PALS2: variants seen among roughly 807,000 people sequenced by gnomAD.
PALS2 encodes protein associated with LIN7 2, MAGUK p55 family member, also known as protein PALS2.
In PALS2, 27 loss-of-function variants were observed where a neutral mutation model predicts 61.6. That is an observed-to-expected ratio of 0.44 (90% CI 0.32 to 0.60). PALS2 has a LOEUF of 0.60. PALS2 is among the 20% of genes least tolerant of loss of function. The probability of loss-of-function intolerance (pLI) is 0.05; values close to 1 mark genes in which losing one functional copy is unlikely to be tolerated. For missense variants in PALS2, 554 were observed against 639.4 expected (o/e 0.87, Z 1.44); for synonymous variants, 236 against 218.6 (o/e 1.08, Z -0.70).
At chr7:24,649,085 A>G (rs1786001952) in intron 3 of PALS2, among the ~76,000 whole-genome samples, 1 of 152,132 alleles carries the variant, frequency 6.6e-6, no homozygotes, top group African/African-American at 2.4e-5. Flanking sequence ...GTAATATAAA[A>G]TTTTTTGTCA....
chr7:24,623,480 C>T (rs1299165343), intron 1 of PALS2, among the ~76,000 whole-genome samples, 186 bp from the exon 2 acceptor site: 1 of 151,956 alleles, frequency 6.6e-6, no homozygotes, highest in Non-Finnish European at 1.5e-5. Context: ...GCTATTAATT[C>T]CTGGGAAGTC....
intron 1 of PALS2, among the ~76,000 whole-genome samples, chr7:24,620,484 C>A (rs1784453494): frequency 6.6e-6 from 1 of 151,890 alleles, no homozygotes; most frequent in South Asian, 2.1e-4. Context: ...GATTAAATTC[C>A]ATATGATTAA....
intron 3 of PALS2, among the ~76,000 whole-genome samples, chr7:24,643,976 T>C (rs1488612440): frequency 2.0e-5 from 3 of 152,178 alleles, no homozygotes; most frequent in African/African-American, 7.2e-5. Context: ...CTTTGATTAC[T>C]GGGAAGTAAT....
At chr7:24,624,362 T>C (rs1195687775) in intron 2 of PALS2, among the ~76,000 whole-genome samples, 1 of 152,164 alleles carries the variant, frequency 6.6e-6, no homozygotes, top group Non-Finnish European at 1.5e-5. Flanking sequence ...TGCTATACCA[T>C]TCTTTAGAGT....
chr7:24,595,452 AAT>A (rs931479372), intron 1 of PALS2, among the ~76,000 whole-genome samples: 35 of 137,732 alleles, frequency 2.5e-4, no homozygotes, highest in Non-Finnish European at 3.5e-4. Context: ...CATAATATAT[AAT>A]ATATATAAAT....
In PALS2 at chr7:24,688,756, AAT is replaced by A. The variant is rs1403715348; in HGVS notation, c.*1150_*1151del. The A allele has an allele frequency of 6.7e-6, 1 of 149,364 alleles. No homozygotes were observed. The highest frequency in any genetic ancestry group is 1.5e-5 in the Non-Finnish European group (1 of 67,474). 9.3% of individuals were successfully genotyped at this position (149,364 alleles called of 1,614,324 possible). A position where few individuals can be genotyped will look rare whatever the true frequency, so the allele number is the denominator to read the frequency against. The stretch of plus-strand genomic sequence containing the variant: ...ATAATATGTATATTATGTATTATAT[AAT>A]ATATATAAAATGTTTTGTATATTTT... On this transcript the variant is annotated 3_prime_UTR_variant, in exon 12 of 12. Coordinates refer to ENST00000222644, the MANE Select transcript of PALS2 (RefSeq NM_001303037.2).
At chr7:24,670,172 CAGTT>C (rs1447307526) in intron 9 of PALS2, among the ~76,000 whole-genome samples, 3 of 152,100 alleles carry the variant, frequency 2.0e-5, no homozygotes, top group Non-Finnish European at 4.4e-5. Flanking sequence ...GCTGTATTTT[CAGTT>C]AGTTCAATTT....
chr7:24,580,103 CAG>C (rs1049291641), intron 1 of PALS2, among the ~76,000 whole-genome samples: 5 of 152,124 alleles, frequency 3.3e-5, no homozygotes, highest in African/African-American at 4.8e-5. Context: ...TGGTGGAACT[CAG>C]AGGGGTACAT....
intron 9 of PALS2, among the ~76,000 whole-genome samples, chr7:24,675,946 A>G (rs1787558901): frequency 6.7e-6 from 1 of 149,348 alleles, no homozygotes; most frequent in African/African-American, 2.5e-5. Flanking sequence ...TTCTAGTTCT[A>G]GATCCTTGAG....
intron 3 of PALS2, among the ~76,000 whole-genome samples, chr7:24,643,314 G>A (rs1219885194): frequency 6.6e-6 from 1 of 152,016 alleles, no homozygotes; most frequent in Non-Finnish European, 1.5e-5. Flanking sequence ...ATGAAGTGTA[G>A]CATATAAAAA....
At chr7:24,594,869 T>C (rs1056708351) in intron 1 of PALS2, among the ~76,000 whole-genome samples, 5 of 152,054 alleles carry the variant, frequency 3.3e-5, no homozygotes, top group East Asian at 1.9e-4. Flanking sequence ...ATAATAGTAA[T>C]GAAAAAGTTT....
Position 24,657,269 on chromosome 7 carries a change from A to G in PALS2, c.652-6321A>G, listed in dbSNP as rs555307573. Among the ~76,000 whole-genome samples, 4 of 152,294 alleles carry G rather than the reference A, an allele frequency of 2.6e-5. No individual in the cohort carries two copies. The South Asian group carries it at 6.2e-4, about 24-fold the overall frequency. ...GAGTCATATGGTAGGTATATGTTGT[A>G]CTTTTGAAGAAATGACTAAACCGTT... On this transcript the variant is annotated intron_variant, in intron 5 of 11. Coordinates refer to ENST00000222644, the MANE Select transcript of PALS2 (RefSeq NM_001303037.2).
intron 11 of PALS2, 50 bp downstream of exon 11, chr7:24,680,570 G>T: frequency 6.4e-7 from 1 of 1,572,168 alleles, no homozygotes. Flanking sequence ...TTTCTTTTGA[G>T]CATGTTTAAC....
intron 5 of PALS2, among the ~76,000 whole-genome samples, chr7:24,662,710 G>A (rs867744576): frequency 1.3e-4 from 20 of 149,962 alleles, no homozygotes; most frequent in African/African-American, 2.9e-4. Context: ...CGGAGGTTGC[G>A]GTGAGCAGAG....
At chr7:24,612,861 G>A (rs1784162490) in intron 1 of PALS2, among the ~76,000 whole-genome samples, 1 of 151,752 alleles carries the variant, frequency 6.6e-6, no homozygotes, top group Non-Finnish European at 1.5e-5. Flanking sequence ...AGTAGTCATC[G>A]TAGTGGGCAT....
chr7:24,675,660 C>A lies in PALS2; in HGVS notation c.1115-3471C>A, dbSNP rs574487187. Among the ~76,000 whole-genome samples, 5 of 140,482 alleles carry A rather than the reference C, an allele frequency of 3.6e-5. 1 individual carries two copies. The highest frequency in any genetic ancestry group is 7.6e-5 in the Non-Finnish European group (5 of 65,898). 92.2% of individuals were successfully genotyped at this position (140,482 alleles called of 152,430 possible). On this transcript the variant is annotated intron_variant, in intron 9 of 11. Transcript: ENST00000222644. ...TGCGGTGTTTGGTTTTTTGTTCTTG[C>A]GATAGTTTACTGAGAATGATGATTT... is the stretch of plus-strand genomic sequence containing the variant.
At chr7:24,597,317 T>C (rs1236507335) in intron 1 of PALS2, 1 of 152,184 alleles carries the variant, frequency 6.6e-6, no homozygotes, top group African/African-American at 2.4e-5. Context: ...TGATAGTCTG[T>C]CCTTAAATAG....
chr7:24,667,284 T>C (rs1317784745), intron 8 of PALS2, among the ~76,000 whole-genome samples: 1 of 152,226 alleles, frequency 6.6e-6, no homozygotes, highest in Non-Finnish European at 1.5e-5. Flanking sequence ...AATTTTGGGT[T>C]ATGTTTCTAG....
At chr7:24,591,725 G>A (rs565515212) in intron 1 of PALS2, among the ~76,000 whole-genome samples, 1 of 152,072 alleles carries the variant, frequency 6.6e-6, no homozygotes, top group Non-Finnish European at 1.5e-5. Context: ...TTTAGTCACA[G>A]TATGTTCATC....
Sources: gnomAD v4.1 joint callset for allele counts (sites outside exome capture counted in the v4.1 genomes callset) on GRCh38, gnomAD v4.1.1 for gene constraint, MANE v1.5 for transcripts, NCBI Gene and HGNC (gene_info 2026-07-23, HGNC 2026-07-21) for gene names.